Variants in GOLGA1 observed in about 807,000 individuals in gnomAD.
GOLGA1 encodes golgin subfamily A member 1.
A neutral mutation model predicts 119.7 loss-of-function variants in GOLGA1; 63 were observed. That is an observed-to-expected ratio of 0.53 (90% CI 0.43 to 0.65). The LOEUF (loss-of-function observed/expected upper bound fraction) is 0.65, where lower values mean the gene tolerates loss of function less well. Ranked by LOEUF, GOLGA1 falls within the 30% of genes least tolerant of loss-of-function variation. GOLGA1 has a pLI of 0.00. For missense variants in GOLGA1, 798 were observed against 912.8 expected (o/e 0.87, Z 1.62); for synonymous variants, 318 against 333.4 (o/e 0.95, Z 0.50).
At chr9:124,903,651 CAAAAAAAAAAAA>C (rs11435294) in intron 12 of GOLGA1, among the ~76,000 whole-genome samples, 2 of 91,282 alleles carry the variant, frequency 2.2e-5, no homozygotes, top group Non-Finnish European at 4.0e-5. Flanking sequence ...AGAAAAAGAC[CAAAAAAAAAAAA>C]AAAAAAAAAG....
chr9:124,918,217 G>A (rs185940447), intron 10 of GOLGA1, among the ~76,000 whole-genome samples: 6 of 152,192 alleles, frequency 3.9e-5, no homozygotes, highest in African/African-American at 4.8e-5. Flanking sequence ...CACTCATCAC[G>A]GTTAGTAATT....
intron 3 of GOLGA1, among the ~76,000 whole-genome samples, chr9:124,937,142 G>A (rs1455021455): frequency 1.3e-5 from 2 of 151,774 alleles, no homozygotes; most frequent in Non-Finnish European, 2.9e-5. Context: ...TATATATCCA[G>A]CATTATAAAT....
intron 15 of GOLGA1, among the ~76,000 whole-genome samples, chr9:124,894,149 G>A (rs1161311918): frequency 1.3e-5 from 2 of 152,114 alleles, no homozygotes; most frequent in Non-Finnish European, 2.9e-5. Context: ...TTCTTGTAGC[G>A]CTTTCTGCCC....
intron 15 of GOLGA1, 70 bp downstream of exon 15, chr9:124,898,478 TG>T: frequency 1.2e-6 from 1 of 846,196 alleles, no homozygotes. Flanking sequence ...GTATGAGAAG[TG>T]GGGCACTGTA....
At position 124,878,871 on chromosome 9, in the gene GOLGA1, C is replaced by G. The variant is rs1829506104; in HGVS notation, c.*1659G>C. 6.6e-6 allele frequency: 1 copy of G among 152,260 alleles called. No individual in the cohort carries two copies. The allele number at this position is 152,260 out of a possible 1,614,324, so 9.4% of individuals were successfully genotyped here. On this transcript the variant is annotated 3_prime_UTR_variant, in exon 23 of 23. Transcript: ENST00000373555. ...ATCCTACTTTGAAAAAAGGCTACCT[C>G]TTACCCATCAAACTTGCAGAACAGA... is the stretch of plus-strand genomic sequence containing the variant.
At chr9:124,905,293 C>T (rs758405917) in intron 12 of GOLGA1, among the ~76,000 whole-genome samples, 35 of 152,064 alleles carry the variant, frequency 2.3e-4, no homozygotes, top group Middle Eastern at 3.4e-3. Flanking sequence ...GAAACCCCGT[C>T]TCTACTAAAA....
intron 19 of GOLGA1, among the ~76,000 whole-genome samples, chr9:124,886,966 C>T (rs1417841988): frequency 6.6e-6 from 1 of 152,084 alleles, no homozygotes; most frequent in East Asian, 1.9e-4. Flanking sequence ...ACCTGAATGC[C>T]CAGGTGATGG....
intron 7 of GOLGA1, among the ~76,000 whole-genome samples, chr9:124,925,371 T>C (rs1452801131): frequency 6.6e-6 from 1 of 152,026 alleles, no homozygotes; most frequent in Non-Finnish European, 1.5e-5. Flanking sequence ...TTTTTTTTTT[T>C]TTTTCAAGCA....
chr9:124,922,550 C>CAAAAAA (rs537417274), intron 8 of GOLGA1, among the ~76,000 whole-genome samples: 1 of 49,384 alleles, frequency 2.0e-5, no homozygotes. Flanking sequence ...GACTCTATCT[C>CAAAAAA]AAAAAAAAAA....
chr9:124,886,808 T>G (rs1588056391), intron 19 of GOLGA1, among the ~76,000 whole-genome samples: 1 of 149,190 alleles, frequency 6.7e-6, no homozygotes, highest in African/African-American at 2.5e-5. Context: ...AGCACCAGGG[T>G]GGGTGAGGCA....
intron 11 of GOLGA1, 152 bp downstream of exon 11, chr9:124,911,749 T>G (rs1215538655): frequency 1.6e-6 from 1 of 633,042 alleles, no homozygotes; most frequent in Non-Finnish European, 2.8e-6. Context: ...AGGCTCTTTC[T>G]GATGTAAGCA....
At chr9:124,937,024 A>C (rs897042460) in intron 3 of GOLGA1, among the ~76,000 whole-genome samples, 1 of 152,216 alleles carries the variant, frequency 6.6e-6, no homozygotes, top group Non-Finnish European at 1.5e-5. Context: ...AATTGGAAGA[A>C]ACATATAAGT....
At chr9:124,917,696 G>C (rs1426053244) in intron 10 of GOLGA1, among the ~76,000 whole-genome samples, 2 of 152,108 alleles carry the variant, frequency 1.3e-5, no homozygotes, top group African/African-American at 2.4e-5. Flanking sequence ...CTAGTTCCTT[G>C]AATGTGCTAA....
intron 19 of GOLGA1, chr9:124,887,373 G>T (rs977859297): frequency 1.3e-5 from 2 of 152,028 alleles, no homozygotes; most frequent in Admixed American, 1.3e-4. Context: ...TGGGCTTCTG[G>T]GATGCTGGCA....
In GOLGA1 at chr9:124,881,857, G is replaced by C; in HGVS notation, c.2063C>G (p.Thr688Arg). The C allele has an allele frequency of 6.2e-7, 1 of 1,612,908 alleles. No individual in the cohort carries two copies. Among genetic ancestry groups the C allele is most frequent in the Non-Finnish European group, 8.5e-7 (1 of 1,179,002 alleles). The change falls in exon 21 of 23, where the codon ACA becomes AGA. Residue 688 changes from threonine (T) to arginine (R), a missense_variant. Thr to Arg is a moderately conservative substitution (Grantham distance 71). Transcript: ENST00000373555. This position sits in a 1 kb window ranked among gnomAD's most constrained non-coding sequence, Gnocchi z 4.9. ...APSVTNNTDLTDAREINFEYL... is the reference protein window; with the variant it reads ...APSVTNNTDLRDAREINFEYL... ...CTCAAAGTTGATCTCGCGGGCATCTGTCAGGTCAGTGTTATTCGTGACGGA... is the reference window on the plus strand; with the variant it reads ...CTCAAAGTTGATCTCGCGGGCATCTCTCAGGTCAGTGTTATTCGTGACGGA...
chr9:124,920,621 G>A (rs1426159488), intron 10 of GOLGA1, among the ~76,000 whole-genome samples: 1 of 151,974 alleles, frequency 6.6e-6, no homozygotes, highest in Admixed American at 6.6e-5. Context: ...CATGCTCAAG[G>A]TCCATTATGT....
intron 12 of GOLGA1, among the ~76,000 whole-genome samples, chr9:124,907,991 A>G (rs1830266449): frequency 6.6e-6 from 1 of 152,202 alleles, no homozygotes; most frequent in Non-Finnish European, 1.5e-5. Flanking sequence ...TACAAAGTAC[A>G]ATGAAGTGGG....
chr9:124,932,667 CTGTT>C (rs1369414089), intron 3 of GOLGA1, among the ~76,000 whole-genome samples: 1 of 152,194 alleles, frequency 6.6e-6, no homozygotes, highest in Non-Finnish European at 1.5e-5. Context: ...TTGTCTTAGT[CTGTT>C]TGAGTGCTAT....
intron 11 of GOLGA1, among the ~76,000 whole-genome samples, chr9:124,909,608 CAAAA>C (rs58372596): frequency 4.6e-5 from 4 of 87,286 alleles, no homozygotes; most frequent in African/African-American, 4.3e-5. Context: ...GACTCCGTCT[CAAAA>C]AAAAAAAAAA....
Sources: gnomAD v4.1 joint callset for allele counts (sites outside exome capture counted in the v4.1 genomes callset) on GRCh38, gnomAD v4.1.1 for gene constraint, Gnocchi (gnomAD v3.1) non-coding constraint, MANE v1.5 for transcripts, NCBI Gene and HGNC (gene_info 2026-07-23, HGNC 2026-07-21) for gene names.